SPIDR: variants seen among roughly 807,000 people sequenced by gnomAD.
The protein encoded by SPIDR is DNA repair-scaffolding protein.
Under a neutral mutation model 104.6 loss-of-function variants are expected in SPIDR, and 93 were observed. The observed-to-expected ratio is 0.89, with a 90% confidence interval of 0.75 to 1.06. SPIDR has a LOEUF of 1.06. Ranked by LOEUF, SPIDR falls within the 50% of genes least tolerant of loss-of-function variation. The pLI, the probability that SPIDR is intolerant of heterozygous loss-of-function variation, is 0.00. For missense variants in SPIDR, 1,154 were observed against 1,111.2 expected, an observed-to-expected ratio of 1.04 and a Z score of -0.55; for synonymous variants, 431 against 416.9, an observed-to-expected ratio of 1.03 and a Z score of -0.41.
At chr8:47,277,725 G>C in intron 1 of SPIDR, among the ~76,000 whole-genome samples, 1 of 146,266 alleles carries the variant, frequency 6.8e-6, no homozygotes, top group Non-Finnish European at 1.5e-5. Flanking sequence ...CCAGGCTGGA[G>C]TGCAAGTGGC....
chr8:47,403,037 G>A (rs1401545021), intron 6 of SPIDR, among the ~76,000 whole-genome samples: 2 of 152,174 alleles, frequency 1.3e-5, no homozygotes, highest in African/African-American at 2.4e-5. Flanking sequence ...TGGGATGCAA[G>A]GGTGGTTCAG....
intron 10 of SPIDR, among the ~76,000 whole-genome samples, chr8:47,658,098 G>C (rs1297379919): frequency 1.3e-5 from 2 of 150,766 alleles, no homozygotes; most frequent in African/African-American, 4.9e-5. Context: ...TTGAAAACGT[G>C]TTCCATGGGT....
intron 5 of SPIDR, among the ~76,000 whole-genome samples, chr8:47,365,155 T>C (rs1281941223): frequency 2.0e-5 from 3 of 152,190 alleles, no homozygotes; most frequent in African/African-American, 4.8e-5. Context: ...TTCCTGGACA[T>C]TGAACTTTAT....
chr8:47,622,721 T>G (rs978947025), intron 10 of SPIDR, among the ~76,000 whole-genome samples: 4 of 152,154 alleles, frequency 2.6e-5, no homozygotes, highest in Admixed American at 2.0e-4. Context: ...ACTAATTGAA[T>G]CACACTTTGA....
At chr8:47,409,623 T>G (rs529236789) in intron 7 of SPIDR, among the ~76,000 whole-genome samples, 1 of 152,346 alleles carries the variant, frequency 6.6e-6, no homozygotes, top group South Asian at 2.1e-4. Flanking sequence ...GATCTCCCCG[T>G]TCCCAATAAT....
intron 10 of SPIDR, among the ~76,000 whole-genome samples, chr8:47,605,451 G>A (rs1007199056): frequency 1.4e-4 from 22 of 152,306 alleles, no homozygotes; most frequent in East Asian, 1.9e-4. Flanking sequence ...TGATGCATAC[G>A]AGGATGACAA....
At chr8:47,409,808 C>T (rs2063256813) in intron 7 of SPIDR, among the ~76,000 whole-genome samples, 1 of 152,202 alleles carries the variant, frequency 6.6e-6, no homozygotes, top group Non-Finnish European at 1.5e-5. Flanking sequence ...ACGGGAGGAT[C>T]ACTTGAGGCC....
intron 10 of SPIDR, among the ~76,000 whole-genome samples, chr8:47,627,671 C>A (rs2066403504): frequency 6.6e-6 from 1 of 152,090 alleles, no homozygotes; most frequent in Admixed American, 6.5e-5. Context: ...ACTGACAGAT[C>A]ATGTGATTCC....
At chr8:47,294,186 A>G in intron 5 of SPIDR, 156 bp downstream of exon 5, 1 of 904,980 alleles carries the variant, frequency 1.1e-6, no homozygotes, top group Non-Finnish European at 1.6e-6. Flanking sequence ...CTTATCTCTA[A>G]ATAACATGCT....
At chr8:47,680,510 A>G (rs1224615298) in intron 11 of SPIDR, among the ~76,000 whole-genome samples, 2 of 152,214 alleles carry the variant, frequency 1.3e-5, no homozygotes, top group Non-Finnish European at 2.9e-5. Flanking sequence ...GGGCCGGGTT[A>G]TGTATTGGAG....
At chr8:47,357,952 T>C (rs902854258) in intron 5 of SPIDR, 8 of 735,682 alleles carry the variant, frequency 1.1e-5, no homozygotes, top group Non-Finnish European at 1.3e-5. Flanking sequence ...CACGAATATA[T>C]GTGTGGTTTA....
chr8:47,449,366 A>G (rs944886144), intron 8 of SPIDR, among the ~76,000 whole-genome samples: 7 of 152,180 alleles, frequency 4.6e-5, no homozygotes, highest in African/African-American at 1.7e-4. Flanking sequence ...AAGAGAGGTT[A>G]TGATTCCAAA....
intron 8 of SPIDR, among the ~76,000 whole-genome samples, chr8:47,523,118 G>A (rs2084423681): frequency 6.6e-6 from 1 of 151,866 alleles, no homozygotes; most frequent in Non-Finnish European, 1.5e-5. Flanking sequence ...CTCCCACCTC[G>A]AATTGTTGGG....
intron 8 of SPIDR, among the ~76,000 whole-genome samples, chr8:47,574,084 C>A (rs1473106586): frequency 6.6e-6 from 1 of 152,206 alleles, no homozygotes; most frequent in African/African-American, 2.4e-5. Context: ...AAGCTTAGTG[C>A]TTGCCTCTAT....
At chr8:47,552,389 T>C (rs2090649989) in intron 8 of SPIDR, among the ~76,000 whole-genome samples, 1 of 152,194 alleles carries the variant, frequency 6.6e-6, no homozygotes, top group African/African-American at 2.4e-5. Flanking sequence ...TCTCCCATTA[T>C]TATTGTGTGG....
At chr8:47,333,599 G>A (rs1226122316) in intron 5 of SPIDR, among the ~76,000 whole-genome samples, 1 of 152,026 alleles carries the variant, frequency 6.6e-6, no homozygotes, top group African/African-American at 2.4e-5. Context: ...ACCACACCTG[G>A]CCATGGAATA....
intron 8 of SPIDR, among the ~76,000 whole-genome samples, chr8:47,586,197 A>G (rs2060230906): frequency 6.6e-6 from 1 of 152,200 alleles, no homozygotes; most frequent in Admixed American, 6.5e-5. Flanking sequence ...TAACATTCAT[A>G]TGTAGGTCTT....
chr8:47,343,412 G>A (rs2051164778), intron 5 of SPIDR, among the ~76,000 whole-genome samples: 1 of 152,168 alleles, frequency 6.6e-6, no homozygotes, highest in Non-Finnish European at 1.5e-5. Context: ...CTAATGAAGT[G>A]GAGGGTGTGA....
chr8:47,591,148 A>C (rs2154419221), intron 8 of SPIDR, among the ~76,000 whole-genome samples: 1 of 148,874 alleles, frequency 6.7e-6, no homozygotes, highest in Non-Finnish European at 1.5e-5. Context: ...GTAATTATTG[A>C]TACATTAGGG....
Sources: allele counts gnomAD v4.1 joint callset (sites outside exome capture counted in the v4.1 genomes callset), GRCh38; gene constraint gnomAD v4.1.1; transcripts MANE v1.5; gene names NCBI Gene and HGNC (gene_info 2026-07-23, HGNC 2026-07-21).